PARD6G: variants seen among roughly 807,000 people sequenced by gnomAD.
PARD6G encodes the protein par-6 family cell polarity regulator gamma, also known as partitioning defective 6 homolog gamma.
Under a neutral mutation model 10.7 loss-of-function variants are expected in PARD6G, and 7 were observed. That is an observed-to-expected ratio of 0.66 (90% CI 0.37 to 1.23). The LOEUF is 1.23. Among genes scored for constraint, PARD6G ranks in the 50% most tolerant of loss-of-function variants. PARD6G has a pLI of 0.02. For synonymous variants in PARD6G, 287 were observed against 269.4 expected, an observed-to-expected ratio of 1.07 and a Z score of -0.64; for missense variants, 548 against 571.8, an observed-to-expected ratio of 0.96 and a Z score of 0.42.
In PARD6G at chr18:80,181,449, C is replaced by T. The variant is rs1246267875; in HGVS notation, c.296-20843G>A. Among the ~76,000 whole-genome samples the T allele has an allele frequency of 1.3e-5, 2 of 152,176 alleles. No homozygotes were observed. Among genetic ancestry groups the T allele is most frequent in the African/African-American group, 2.4e-5 (1 of 41,430 alleles). On this transcript the variant is annotated intron_variant, in intron 2 of 2. Transcript: ENST00000353265. This position sits in a 1 kb window ranked among gnomAD's most constrained non-coding sequence, Gnocchi z 7.9. ...TCACCAGGGACACGGTGACATGCCG[C>T]TGTGAGCCCTCAAGAAGGCCTCATC...
In PARD6G at chr18:80,200,657, C is replaced by T. The variant is rs1395877580; in HGVS notation, c.295+2053G>A. On this transcript the variant is annotated intron_variant, in intron 2 of 2. Transcript: ENST00000353265. This position sits in a 1 kb window ranked among gnomAD's most constrained non-coding sequence, Gnocchi z 4.4. Reference sequence around the variant, plus strand: ...CACGAGAGACTGAGAAACCCTGAGCCAGCTAGTTAAACTGGGCTACTACTC... The same window carrying T: ...CACGAGAGACTGAGAAACCCTGAGCTAGCTAGTTAAACTGGGCTACTACTC... Among the ~76,000 whole-genome samples the T allele has an allele frequency of 6.6e-6, 1 of 152,200 alleles. No individual in the cohort carries two copies. The highest frequency in any genetic ancestry group is 2.4e-5 in the African/African-American group (1 of 41,456).
intron 2 of PARD6G, among the ~76,000 whole-genome samples, chr18:80,173,540 G>T (rs148810391): frequency 6.6e-6 from 1 of 151,972 alleles, no homozygotes; most frequent in African/African-American, 2.4e-5. Flanking sequence ...GAGGAAAATC[G>T]CTTGAACCCA....
At chr18:80,239,043 C>G (rs1967460378) in intron 1 of PARD6G, among the ~76,000 whole-genome samples, 1 of 152,164 alleles carries the variant, frequency 6.6e-6, no homozygotes, top group African/African-American at 2.4e-5. Flanking sequence ...CCAAGCAGAT[C>G]TGCTCTGGTT....
At position 80,158,806 on chromosome 18, in the gene PARD6G, G is replaced by C. The variant is rs1306524987; in HGVS notation, c.*965C>G. ...GTTGCAGTGAGCTGAGATCCCTCCA[G>C]CTTGGATGACAGAACAAGACACTAT... On this transcript the variant is annotated 3_prime_UTR_variant, in exon 3 of 3. Transcript: ENST00000353265. 1 of 152,008 alleles carries C rather than the reference G, an allele frequency of 6.6e-6. No individual in the cohort carries two copies. The highest frequency in any genetic ancestry group is 2.4e-5 in the African/African-American group (1 of 41,360). The allele number at this position is 152,008 out of a possible 1,614,324, so 9.4% of individuals were successfully genotyped here.
chr18:80,194,903 A>T (rs1204414262), intron 2 of PARD6G, among the ~76,000 whole-genome samples: 1 of 152,142 alleles, frequency 6.6e-6, no homozygotes, highest in Non-Finnish European at 1.5e-5. Context: ...TGCAGCAGAG[A>T]TATGACTAGA....
chr18:80,204,807 C>G (rs1967040401), intron 1 of PARD6G, among the ~76,000 whole-genome samples: 1 of 152,016 alleles, frequency 6.6e-6, no homozygotes, highest in Non-Finnish European at 1.5e-5. Flanking sequence ...AAAAATGAGC[C>G]AGGCATGGTG....
chr18:80,219,476 C>T (rs943546578), intron 1 of PARD6G, among the ~76,000 whole-genome samples: 1 of 152,200 alleles, frequency 6.6e-6, no homozygotes. Flanking sequence ...TCCCAAAGTG[C>T]TGGGATTACA....
intron 1 of PARD6G, among the ~76,000 whole-genome samples, chr18:80,230,792 A>G (rs1031199964): frequency 6.6e-6 from 1 of 152,196 alleles, no homozygotes; most frequent in African/African-American, 2.4e-5. Flanking sequence ...GTCTCCGTCC[A>G]GAAGGGATTT....
chr18:80,216,241 A>G (rs182387180), intron 1 of PARD6G, among the ~76,000 whole-genome samples: 44 of 152,266 alleles, frequency 2.9e-4, no homozygotes, highest in African/African-American at 9.6e-4. Context: ...AACAAAAAAT[A>G]GAAGACTTAA....
At chr18:80,211,125 A>C (rs1490112206) in intron 1 of PARD6G, among the ~76,000 whole-genome samples, 1 of 152,166 alleles carries the variant, frequency 6.6e-6, no homozygotes, top group Admixed American at 6.5e-5. Flanking sequence ...TTTAAGTGAA[A>C]ATTTTACAAC....
intron 2 of PARD6G, among the ~76,000 whole-genome samples, chr18:80,163,784 G>A (rs1250985492): frequency 2.6e-5 from 4 of 152,212 alleles, no homozygotes; most frequent in Non-Finnish European, 5.9e-5. Context: ...ATAAAAGCAA[G>A]TGTGTGGACC....
In PARD6G at chr18:80,159,903, C is replaced by G; in HGVS notation, c.999G>C (p.Gln333His). 1 of 1,514,210 alleles carries G rather than the reference C, an allele frequency of 6.6e-7. No homozygotes were observed. Among genetic ancestry groups the G allele is most frequent in the Non-Finnish European group, 8.8e-7 (1 of 1,137,728 alleles). 93.8% of individuals were successfully genotyped at this position (1,514,210 alleles called of 1,614,324 possible). A position where few individuals can be genotyped will look rare whatever the true frequency, so the allele number is the denominator to read the frequency against. ...LSRVNGAGLA[Q>H]RLQRDLALDG... The stretch of plus-strand genomic sequence containing the variant: ...CCAGGGCCAGGTCCCGCTGCAGCCG[C>G]TGCGCCAGGCCCGCGCCATTGACCC... The change falls in exon 3 of 3, where the codon CAG (glutamine) becomes CAC (histidine). Residue 333 changes from glutamine (Q) to histidine (H), a missense_variant. Physicochemically the swap from Gln to His is conservative, Grantham distance 24 (BLOSUM62 0). Around this residue, in one of 2 missense-constraint regions of PARD6G, gnomAD observed 313 missense variants for 279.9 expected, o/e 1.12. Coordinates refer to ENST00000353265, the MANE Select transcript of PARD6G (RefSeq NM_032510.4).
chr18:80,177,081 C>T lies in PARD6G; in HGVS notation c.296-16475G>A, dbSNP rs559677711. On this transcript the variant is annotated intron_variant, in intron 2 of 2. Coordinates refer to ENST00000353265, the MANE Select transcript of PARD6G (RefSeq NM_032510.4). ...TAAATCACAGCCCAAATGGAAAGCG[C>T]GCACACACACACACACGGGATAAAT... Among the ~76,000 whole-genome samples the T allele has an allele frequency of 1.5e-3, 218 of 145,704 alleles. 1 individual carries two copies. Among genetic ancestry groups the T allele is most frequent in the African/African-American group, 5.2e-3 (203 of 39,132 alleles).
At chr18:80,235,115 A>T (rs9958321) in intron 1 of PARD6G, among the ~76,000 whole-genome samples, 3,880 of 152,134 alleles carry the variant, frequency 0.026, 158 homozygotes, top group African/African-American at 0.089. Context: ...GAAGTAAAGC[A>T]CTCCTCAGCA....
At position 80,219,408 on chromosome 18, in the gene PARD6G, C is replaced by T. The variant is rs576748597; in HGVS notation, c.73-16476G>A. ...ATTTTTTAGTAGAGATGCAGTTTCACCATGTTGGCTAGGCTGGTCTCGAAT... is the reference window on the plus strand; with the variant it reads ...ATTTTTTAGTAGAGATGCAGTTTCATCATGTTGGCTAGGCTGGTCTCGAAT... On this transcript the variant is annotated intron_variant, in intron 1 of 2. Coordinates refer to ENST00000353265, the MANE Select transcript of PARD6G (RefSeq NM_032510.4). 1.1e-4 allele frequency among the ~76,000 whole-genome samples: 16 copies of T among 152,264 alleles called. 1 individual carries two copies. The Middle Eastern group carries it at 0.01, about 97-fold the overall frequency.
intron 1 of PARD6G, among the ~76,000 whole-genome samples, chr18:80,214,870 G>A (rs976377806): frequency 1.3e-5 from 2 of 152,084 alleles, no homozygotes; most frequent in African/African-American, 4.8e-5. Flanking sequence ...AAGTTTAAGT[G>A]TATCCTACTT....
Position 80,247,469 on chromosome 18 carries a change from G to T in PARD6G, c.-121C>A, listed in dbSNP as rs1967568804. The T allele has an allele frequency of 3.7e-6, 2 of 544,778 alleles. No homozygotes were observed. The highest frequency in any genetic ancestry group is 1.4e-4 in the East Asian group (2 of 14,182). 33.7% of individuals were successfully genotyped at this position (544,778 alleles called of 1,614,324 possible). A position where few individuals can be genotyped will look rare whatever the true frequency, so the allele number is the denominator to read the frequency against. On this transcript the variant is annotated 5_prime_UTR_variant, in exon 1 of 3. Coordinates refer to ENST00000353265, the MANE Select transcript of PARD6G (RefSeq NM_032510.4). This position sits in a 1 kb window ranked among gnomAD's most constrained non-coding sequence, Gnocchi z 4.2. ...CGGCCCGCGCTCGCTTGGCCGGCGGGCTGCTCCCGGTGCTGCGGGCCCGAG... is the reference window on the plus strand; with the variant it reads ...CGGCCCGCGCTCGCTTGGCCGGCGGTCTGCTCCCGGTGCTGCGGGCCCGAG...
At chr18:80,167,999 G>A (rs1470668622) in intron 2 of PARD6G, among the ~76,000 whole-genome samples, 1 of 152,154 alleles carries the variant, frequency 6.6e-6, no homozygotes, top group African/African-American at 2.4e-5. Flanking sequence ...TGGAGGAAAC[G>A]GGCCGACACC....
In PARD6G at chr18:80,180,994, C is replaced by T. The variant is rs1052649324; in HGVS notation, c.296-20388G>A. 4.6e-5 allele frequency among the ~76,000 whole-genome samples: 7 copies of T among 152,190 alleles called. No homozygotes were observed. Among genetic ancestry groups the T allele is most frequent in the African/African-American group, 7.2e-5 (3 of 41,448 alleles). ...GTCAGCAGTGCTGAGGGTAAGAACC[C>T]GGCCTCACACGCACGTTTCCAGCGG... On this transcript the variant is annotated intron_variant, in intron 2 of 2. Coordinates refer to ENST00000353265, the MANE Select transcript of PARD6G (RefSeq NM_032510.4). This position sits in a 1 kb window ranked among gnomAD's most constrained non-coding sequence, Gnocchi z 5.6.
Sources: allele counts gnomAD v4.1 joint callset (sites outside exome capture counted in the v4.1 genomes callset), GRCh38; gene constraint gnomAD v4.1.1; regional missense constraint gnomAD v4.1.1; non-coding constraint Gnocchi (gnomAD v3.1); transcripts MANE v1.5; gene names NCBI Gene and HGNC (gene_info 2026-07-23, HGNC 2026-07-21).